The following PTPRT variants were observed in gnomAD, a reference collection of about 807,000 sequenced individuals.
PTPRT encodes the protein receptor-type tyrosine-protein phosphatase T.
In PTPRT, 56 loss-of-function variants were observed where a neutral mutation model predicts 176.8. That is an observed-to-expected ratio of 0.32 (90% CI 0.26 to 0.40). PTPRT has a LOEUF of 0.40. PTPRT is among the 10% of genes least tolerant of loss of function. The pLI is 1.00. For missense variants in PTPRT, 1,540 were observed against 1,908.2 expected, an observed-to-expected ratio of 0.81 and a Z score of 3.60; for synonymous variants, 783 against 739.0, an observed-to-expected ratio of 1.06 and a Z score of -0.96.
intron 7 of PTPRT, among the ~76,000 whole-genome samples, chr20:42,578,111 C>G (rs1324841340): frequency 2.0e-5 from 3 of 150,726 alleles, no homozygotes; most frequent in Non-Finnish European, 4.4e-5. Flanking sequence ...TGTGTCAACT[C>G]TCTTGTTTTA....
rs370615114 is a variant in PTPRT at position 42,167,399 on chromosome 20, G to A, written c.2492-5857C>T. On this transcript the variant is annotated intron_variant, in intron 16 of 30. Transcript: ENST00000373187. ...GGACTACTCCATCAGTTTCCTGATG[G>A]CCCTTCCTTCTTTCACAGTTCCCTT... Among the ~76,000 whole-genome samples, 7 of 152,156 alleles carry A rather than the reference G, an allele frequency of 4.6e-5. No individual in the cohort carries two copies. In the South Asian group the frequency reaches 6.2e-4, roughly 14 times the overall value.
At chr20:42,316,806 T>A (rs1165858158) in intron 11 of PTPRT, among the ~76,000 whole-genome samples, 1 of 152,180 alleles carries the variant, frequency 6.6e-6, no homozygotes, top group Non-Finnish European at 1.5e-5. Flanking sequence ...CACCTCTGGT[T>A]TCCTCCAAAG....
rs145494171 is a variant in PTPRT at position 42,409,253 on chromosome 20, C to T, written c.1560+38967G>A. Reference sequence around the variant, plus strand: ...ATCCCAGAACTTTGGGAGGCTGAGGCGGGTGGATCATGAGGTCAGGAGTTC... The same window carrying T: ...ATCCCAGAACTTTGGGAGGCTGAGGTGGGTGGATCATGAGGTCAGGAGTTC... On this transcript the variant is annotated intron_variant, in intron 9 of 30. Coordinates refer to ENST00000373187, the MANE Select transcript of PTPRT (RefSeq NM_007050.6). Among the ~76,000 whole-genome samples, 58 of 151,926 alleles carry T rather than the reference C, an allele frequency of 3.8e-4. No individual in the cohort carries two copies. The East Asian group carries it at 0.011, about 28-fold the overall frequency.
intron 6 of PTPRT, among the ~76,000 whole-genome samples, chr20:42,728,121 C>G (rs2076407283): frequency 6.6e-6 from 1 of 152,222 alleles, no homozygotes; most frequent in African/African-American, 2.4e-5. Context: ...ACTTCACTAA[C>G]AGCTGTAAAT....
chr20:42,170,978 G>A (rs888308347), intron 16 of PTPRT, among the ~76,000 whole-genome samples: 3 of 152,094 alleles, frequency 2.0e-5, no homozygotes, highest in African/African-American at 7.2e-5. Context: ...CTGGAAAATG[G>A]CTATGTATAA....
chr20:42,655,960 G>C (rs1004294020), intron 7 of PTPRT, among the ~76,000 whole-genome samples: 1 of 152,176 alleles, frequency 6.6e-6, no homozygotes, highest in African/African-American at 2.4e-5. Flanking sequence ...GTAATGAAGA[G>C]AGAATTGGGC....
intron 15 of PTPRT, among the ~76,000 whole-genome samples, chr20:42,211,439 C>G (rs1447220939): frequency 4.6e-5 from 7 of 151,040 alleles, no homozygotes; most frequent in African/African-American, 1.5e-4. Context: ...TGAACTCAAA[C>G]AAATTTACAA....
intron 5 of PTPRT, among the ~76,000 whole-genome samples, chr20:42,765,015 C>T (rs1376682701): frequency 6.6e-6 from 1 of 152,220 alleles, no homozygotes; most frequent in Non-Finnish European, 1.5e-5. Context: ...TATGCCTCCT[C>T]AGCTCATCAA....
At chr20:42,400,377 G>A (rs566225491) in intron 9 of PTPRT, among the ~76,000 whole-genome samples, 3 of 152,176 alleles carry the variant, frequency 2.0e-5, no homozygotes, top group African/African-American at 4.8e-5. Flanking sequence ...CCTATGCTAT[G>A]TCCTAGGGAG....
At chr20:42,359,524 G>A (rs1197022345) in intron 9 of PTPRT, among the ~76,000 whole-genome samples, 1 of 152,210 alleles carries the variant, frequency 6.6e-6, no homozygotes, top group Non-Finnish European at 1.5e-5. Flanking sequence ...CATTCATGAA[G>A]GCAAAGAGTG....
chr20:42,735,526 A>T (rs2076526664), intron 6 of PTPRT, among the ~76,000 whole-genome samples: 1 of 152,100 alleles, frequency 6.6e-6, no homozygotes, highest in Non-Finnish European at 1.5e-5. Context: ...AAAAAAACTC[A>T]GTGTTTATTT....
intron 13 of PTPRT, among the ~76,000 whole-genome samples, chr20:42,260,626 G>A (rs1014473135): frequency 1.3e-5 from 2 of 152,102 alleles, no homozygotes; most frequent in African/African-American, 4.8e-5. Flanking sequence ...GCCAAGGAGA[G>A]GCTTCTCAGG....
intron 6 of PTPRT, among the ~76,000 whole-genome samples, chr20:42,749,102 C>T (rs1175564940): frequency 1.2e-4 from 18 of 152,140 alleles, no homozygotes; most frequent in Admixed American, 8.5e-4. Context: ...TTTTTCCCTG[C>T]AGGACCAGAG....
chr20:42,290,547 A>G (rs892726745), intron 12 of PTPRT, among the ~76,000 whole-genome samples: 8 of 152,038 alleles, frequency 5.3e-5, no homozygotes, highest in African/African-American at 1.9e-4. Context: ...CCAGTCCTCA[A>G]TGCTGCGTCT....
chr20:42,289,036 C>G (rs776522981), intron 12 of PTPRT, among the ~76,000 whole-genome samples: 1 of 151,830 alleles, frequency 6.6e-6, no homozygotes, highest in African/African-American at 2.4e-5. Flanking sequence ...AAAGGACACC[C>G]GATTCAAAAA....
intron 7 of PTPRT, among the ~76,000 whole-genome samples, chr20:42,625,488 G>A (rs2074273102): frequency 6.6e-6 from 1 of 151,320 alleles, no homozygotes; most frequent in Non-Finnish European, 1.5e-5. Flanking sequence ...GTAGCAGACT[G>A]TTCCTCCATC....
chr20:42,556,382 T>G (rs1459392568), intron 7 of PTPRT, among the ~76,000 whole-genome samples: 2 of 152,138 alleles, frequency 1.3e-5, no homozygotes, highest in Non-Finnish European at 2.9e-5. Flanking sequence ...TATCAACATC[T>G]CATATTTACA....
At chr20:42,521,329 A>T (rs1263608967) in intron 7 of PTPRT, among the ~76,000 whole-genome samples, 3 of 152,168 alleles carry the variant, frequency 2.0e-5, no homozygotes, top group Admixed American at 1.3e-4. Context: ...TTCACCAAGA[A>T]TCCTGGTTCT....
At chr20:42,969,642 G>A (rs1982501657) in intron 1 of PTPRT, 1 of 152,142 alleles carries the variant, frequency 6.6e-6, no homozygotes, top group South Asian at 2.1e-4. Context: ...CAAAAGCTTT[G>A]AAAACCAAAA....
Sources: gnomAD v4.1 joint callset for allele counts (sites outside exome capture counted in the v4.1 genomes callset) on GRCh38, gnomAD v4.1.1 for gene constraint, MANE v1.5 for transcripts, NCBI Gene and HGNC (gene_info 2026-07-23, HGNC 2026-07-21) for gene names.